CEP152: variants seen among roughly 807,000 people sequenced by gnomAD.
The protein encoded by CEP152 is centrosomal protein of 152 kDa.
A neutral mutation model predicts 188.9 loss-of-function variants in CEP152; 132 were observed. The ratio of observed to expected loss-of-function variants is 0.70; its 90% CI spans 0.61 to 0.81. CEP152 has a LOEUF of 0.81. Ranked by LOEUF, CEP152 falls within the 30% of genes least tolerant of loss-of-function variation. The pLI, the probability that CEP152 is intolerant of heterozygous loss-of-function variation, is 0.00. For missense variants in CEP152, 1,914 were observed against 1,969.8 expected (o/e 0.97, Z 0.54); for synonymous variants, 649 against 666.6 (o/e 0.97, Z 0.41).
downstream of CEP152, among the ~76,000 whole-genome samples, chr15:48,733,771 C>G (rs992925967): frequency 6.6e-6 from 1 of 152,044 alleles, no homozygotes; most frequent in Non-Finnish European, 1.5e-5. Context: ...ATAAGAAAAA[C>G]AATTCATCAT....
In CEP152 at chr15:48,767,948, G is replaced by C. The variant is rs765345832; in HGVS notation, c.2018+271C>G. 2.6e-5 allele frequency among the ~76,000 whole-genome samples: 4 copies of C among 152,012 alleles called. No homozygotes were observed. The East Asian group carries it at 7.7e-4, about 29-fold the overall frequency. On this transcript the variant is annotated intron_variant, in intron 15 of 26. Coordinates refer to ENST00000380950, the MANE Select transcript of CEP152 (RefSeq NM_001194998.2). ...CTTTATAAAGAATAGTTTCCCAGAC[G>C]AGTCTTTAAAAAAATATTAACCTAT...
chr15:48,755,450 T>C (rs1183217593), intron 20 of CEP152, among the ~76,000 whole-genome samples: 1 of 151,922 alleles, frequency 6.6e-6, no homozygotes, highest in Non-Finnish European at 1.5e-5. Flanking sequence ...AACAGAATTT[T>C]GAAAAAAAAA....
intron 5 of CEP152, 133 bp from the exon 6 acceptor site, chr15:48,796,293 C>A: frequency 8.8e-6 from 1 of 113,940 alleles, no homozygotes; most frequent in South Asian, 1.2e-4. Context: ...TATATATACA[C>A]ACACACACAC....
chr15:48,787,453 G>A (rs1393507263), intron 9 of CEP152, among the ~76,000 whole-genome samples: 9 of 151,766 alleles, frequency 5.9e-5, no homozygotes, highest in African/African-American at 9.7e-5. Flanking sequence ...TTACAGGCAT[G>A]AGCCACCGTA....
At chr15:48,775,663 A>C (rs189585199) in intron 12 of CEP152, among the ~76,000 whole-genome samples, 2 of 152,318 alleles carry the variant, frequency 1.3e-5, no homozygotes, top group Admixed American at 1.3e-4. Flanking sequence ...GATTCTATTT[A>C]TATGAAATGC....
chr15:48,751,795 A>C (rs1055473039), intron 21 of CEP152, among the ~76,000 whole-genome samples: 2 of 152,190 alleles, frequency 1.3e-5, no homozygotes, highest in Non-Finnish European at 2.9e-5. Context: ...TAAGCTCTGA[A>C]TACAAGCGGC....
chr15:48,735,781 C>T (rs1338072755), downstream of CEP152, among the ~76,000 whole-genome samples: 1 of 151,792 alleles, frequency 6.6e-6, no homozygotes, highest in Non-Finnish European at 1.5e-5. Context: ...GTTAATTAGA[C>T]ATAAAGCAAA....
chr15:48,774,587 A>AT (rs1238880519), intron 12 of CEP152, among the ~76,000 whole-genome samples: 1 of 152,234 alleles, frequency 6.6e-6, no homozygotes, highest in Admixed American at 6.5e-5. Flanking sequence ...CATATCAAAG[A>AT]TTTTAAAAAC....
At chr15:48,789,502 G>T (rs942190418) in intron 8 of CEP152, among the ~76,000 whole-genome samples, 6 of 152,194 alleles carry the variant, frequency 3.9e-5, no homozygotes, top group African/African-American at 1.4e-4. Context: ...CCTCCAAAAT[G>T]ACCGTGTCCT....
chr15:48,772,464 T>A, intron 13 of CEP152, 23 bp downstream of exon 13: 1 of 1,600,082 alleles, frequency 6.2e-7, no homozygotes, highest in Non-Finnish European at 8.5e-7. Context: ...AAATGGTTTT[T>A]TAACTCTATA....
rs137880414 is a variant in CEP152, at chr15:48,782,112, G to C, written c.1413+27C>G. On this transcript the variant is annotated intron_variant, in intron 11 of 26. Coordinates refer to ENST00000380950, the MANE Select transcript of CEP152 (RefSeq NM_001194998.2). Reference sequence around the variant, plus strand: ...CTACTGCCTAATTCAGATACCCATAGAGCCTCTTCCAAGTGGCAACACTCA... The same window carrying C: ...CTACTGCCTAATTCAGATACCCATACAGCCTCTTCCAAGTGGCAACACTCA... 3.3e-5 allele frequency: 53 copies of C among 1,588,734 alleles called. No individual in the cohort carries two copies. The African/African-American group carries it at 6.8e-4, about 21-fold the overall frequency.
At chr15:48,771,488 G>T (rs1402983091) in intron 13 of CEP152, among the ~76,000 whole-genome samples, 1 of 152,114 alleles carries the variant, frequency 6.6e-6, no homozygotes, top group East Asian at 1.9e-4. Flanking sequence ...AATACTACAG[G>T]ATTTCTATGG....
At chr15:48,784,909 C>A (rs1896523466) in intron 9 of CEP152, among the ~76,000 whole-genome samples, 1 of 152,082 alleles carries the variant, frequency 6.6e-6, no homozygotes, top group Non-Finnish European at 1.5e-5. Flanking sequence ...CCACGGGAGT[C>A]CTGAGTCCAG....
downstream of CEP152, among the ~76,000 whole-genome samples, chr15:48,736,270 A>G (rs1892596546): frequency 6.6e-6 from 1 of 152,348 alleles, no homozygotes; most frequent in Non-Finnish European, 1.5e-5. Flanking sequence ...ACAGGCAAGG[A>G]AACACTTTCC....
intron 20 of CEP152, among the ~76,000 whole-genome samples, chr15:48,752,980 G>C (rs1485442414): frequency 6.6e-6 from 1 of 152,172 alleles, no homozygotes; most frequent in Non-Finnish European, 1.5e-5. Flanking sequence ...CAGTAATTTT[G>C]TAAGGAAGGC....
In CEP152 at chr15:48,741,745, A is replaced by G. The variant is rs751191490; in HGVS notation, c.3990-41T>C. ...GAATATTAAAAATATAGTTTAAAGG[A>G]AAAAATGAGTTGCCTTAGCCCCATG... On this transcript the variant is annotated intron_variant, in intron 25 of 26. Transcript: ENST00000380950. 3.0e-5 allele frequency: 49 copies of G among 1,612,898 alleles called. 1 individual carries two copies. The South Asian group carries it at 5.4e-4, about 18-fold the overall frequency.
Position 48,738,716 on chromosome 15 carries a change from C to T in CEP152, c.4666G>A (p.Asp1556Asn), listed in dbSNP as rs748173766. 6.2e-6 allele frequency: 10 copies of T among 1,614,056 alleles called. No individual in the cohort carries two copies. The Admixed American group carries it at 1.7e-4, about 27-fold the overall frequency. ...TCTTTTACTGGAGGTTCCTGAACAT[C>T]CAAACCTTGACTTTTCTCAGATGCA... ...NAASEKSQGL[D>N]VQEPPVKDGG... The change falls in exon 27 of 27, where the codon GAT becomes AAT. Residue 1556 changes from aspartate (D) to asparagine (N), a missense_variant. Coordinates refer to ENST00000380950, the MANE Select transcript of CEP152 (RefSeq NM_001194998.2).
chr15:48,739,845 C>T (rs1392750764), intron 26 of CEP152, among the ~76,000 whole-genome samples: 3 of 152,206 alleles, frequency 2.0e-5, no homozygotes, highest in Non-Finnish European at 4.4e-5. Context: ...AAAGGATTTG[C>T]TTCTCTACTG....
At chr15:48,737,463 T>C (rs1299963978), downstream of CEP152, among the ~76,000 whole-genome samples, 1 of 152,214 alleles carries the variant, frequency 6.6e-6, no homozygotes, top group Non-Finnish European at 1.5e-5. Context: ...GAGCATTAAT[T>C]AGCCAGTTCT....
Sources: gnomAD v4.1 joint callset for allele counts (sites outside exome capture counted in the v4.1 genomes callset) on GRCh38, gnomAD v4.1.1 for gene constraint, MANE v1.5 for transcripts, NCBI Gene and HGNC (gene_info 2026-07-23, HGNC 2026-07-21) for gene names.